The following DENND6A variants were observed in gnomAD, a reference collection of about 807,000 sequenced individuals.
DENND6A encodes DENN domain containing 6A, also known as protein DENND6A.
In DENND6A, 43 loss-of-function variants were observed where a neutral mutation model predicts 95.5. The observed-to-expected ratio is 0.45, with a 90% confidence interval of 0.35 to 0.58. The LOEUF (loss-of-function observed/expected upper bound fraction) is 0.58. Among genes scored for constraint, DENND6A ranks in the 20% least tolerant of loss-of-function variants. The pLI is 0.00. For missense variants in DENND6A, 574 were observed against 736.0 expected, an observed-to-expected ratio of 0.78 and a Z score of 2.55; for synonymous variants, 257 against 260.4, an observed-to-expected ratio of 0.99 and a Z score of 0.13.
rs111449256 is a variant in DENND6A, at chr3:57,654,131, A to G, written c.818+3549T>C. Reference sequence around the variant, plus strand: ...CCCGGCTAATTTTTTTTTTTTTTGTATTTTTAGTAGAGACGGGGTTTCACC... The same window carrying G: ...CCCGGCTAATTTTTTTTTTTTTTGTGTTTTTAGTAGAGACGGGGTTTCACC... On this transcript the variant is annotated intron_variant, in intron 9 of 19. Transcript: ENST00000311128. Among the ~76,000 whole-genome samples, 632 of 140,646 alleles carry G rather than the reference A, an allele frequency of 4.5e-3. 2 individuals are homozygous for G. Among genetic ancestry groups the G allele is most frequent in the African/African-American group, 0.016 (597 of 37,370 alleles). The allele number at this position is 140,646 out of a possible 152,430, so 92.3% of individuals were successfully genotyped here.
At chr3:57,639,944 A>G (rs953064848) in intron 12 of DENND6A, among the ~76,000 whole-genome samples, 2 of 152,164 alleles carry the variant, frequency 1.3e-5, no homozygotes, top group African/African-American at 4.8e-5. Flanking sequence ...TGTTTTAAAT[A>G]TATCTATGTA....
rs749131418 is a variant in DENND6A, at chr3:57,692,918, G to A, written c.101C>T (p.Ala34Val). The A allele has an allele frequency of 5.1e-6, 8 of 1,566,542 alleles. No homozygotes were observed. In the South Asian group the frequency reaches 8.2e-5, roughly 16 times the overall value. The change falls in exon 1 of 20, where the codon GCG (alanine) becomes GTG (valine). Residue 34 changes from alanine to valine, a missense_variant. Transcript: ENST00000311128. ...AEGREAPALVAAGGAPEDDEE... is the reference protein window; with the variant it reads ...AEGREAPALVVAGGAPEDDEE... ...ATCGTCCTCTGGCGCGCCTCCCGCCGCCACAAGGGCCGGCGCCTCGCGGCC... is the reference window on the plus strand; with the variant it reads ...ATCGTCCTCTGGCGCGCCTCCCGCCACCACAAGGGCCGGCGCCTCGCGGCC...
chr3:57,629,444 T>C (rs1300189166), intron 18 of DENND6A, among the ~76,000 whole-genome samples: 3 of 151,928 alleles, frequency 2.0e-5, no homozygotes, highest in African/African-American at 7.2e-5. Flanking sequence ...TTCCTTTTAT[T>C]TTCACAAGTA....
intron 3 of DENND6A, among the ~76,000 whole-genome samples, chr3:57,667,315 T>C (rs761354167): frequency 1.1e-4 from 16 of 152,142 alleles, no homozygotes; most frequent in Middle Eastern, 3.4e-3. Context: ...CCACTGTGCC[T>C]GGCCTTTTTA....
intron 1 of DENND6A, among the ~76,000 whole-genome samples, chr3:57,679,961 A>C (rs2077148362): frequency 2.0e-5 from 3 of 152,190 alleles, no homozygotes; most frequent in Non-Finnish European, 4.4e-5. Context: ...TATGGACAGA[A>C]ATTTGTGAGA....
intron 3 of DENND6A, among the ~76,000 whole-genome samples, chr3:57,669,722 A>G (rs1014220654): frequency 1.3e-5 from 2 of 151,310 alleles, no homozygotes; most frequent in Non-Finnish European, 2.9e-5. Flanking sequence ...CTCAAAAAAA[A>G]AGAAAAGAAA....
At chr3:57,649,813 AC>A (rs1200099313) in intron 9 of DENND6A, among the ~76,000 whole-genome samples, 13 of 63,448 alleles carry the variant, frequency 2.0e-4, no homozygotes, top group Non-Finnish European at 4.1e-4. Context: ...CCCCACCCCC[AC>A]CCCCATGGAT....
At chr3:57,645,872 A>C (rs981361693) in intron 10 of DENND6A, 116 bp from the exon 11 acceptor site, 7 of 690,674 alleles carry the variant, frequency 1.0e-5, no homozygotes, top group Non-Finnish European at 1.7e-5. Context: ...TGTTTATTTT[A>C]ATAAATGGTA....
rs1425504844 is a variant in DENND6A, at chr3:57,637,810, A to C, written c.1133-3041T>G. Reference sequence around the variant, plus strand: ...AGAAAAAGAACAGAAGAAAACAAAAAAAATAAATAAATAAGACTATTAAAT... The same window carrying C: ...AGAAAAAGAACAGAAGAAAACAAAACAAATAAATAAATAAGACTATTAAAT... On this transcript the variant is annotated intron_variant, in intron 12 of 19. Coordinates refer to ENST00000311128, the MANE Select transcript of DENND6A (RefSeq NM_152678.3). Among the ~76,000 whole-genome samples, 5 of 63,208 alleles carry C rather than the reference A, an allele frequency of 7.9e-5. No individual in the cohort carries two copies. The East Asian group carries it at 0.042, about 527-fold the overall frequency. The allele number at this position is 63,208 out of a possible 152,430, so 41.5% of individuals were successfully genotyped here. A position where few individuals can be genotyped will look rare whatever the true frequency, so the allele number is the denominator to read the frequency against.
At chr3:57,663,983 A>C (rs560334752) in intron 4 of DENND6A, among the ~76,000 whole-genome samples, 2 of 152,002 alleles carry the variant, frequency 1.3e-5, no homozygotes, top group African/African-American at 4.8e-5. Flanking sequence ...AAACCCTCCT[A>C]ACTTGCCCAA....
intron 1 of DENND6A, among the ~76,000 whole-genome samples, chr3:57,690,887 TACTC>T (rs773811134): frequency 1.3e-5 from 2 of 152,206 alleles, no homozygotes; most frequent in Non-Finnish European, 2.9e-5. Context: ...GATTTCATCT[TACTC>T]AGCCTTTTCC....
At chr3:57,651,206 C>T (rs1019438205) in intron 9 of DENND6A, among the ~76,000 whole-genome samples, 2 of 152,170 alleles carry the variant, frequency 1.3e-5, no homozygotes, top group African/African-American at 4.8e-5. Context: ...ATTCAGTATG[C>T]TCCTCAACAT....
intron 1 of DENND6A, among the ~76,000 whole-genome samples, chr3:57,685,543 G>A (rs1338877327): frequency 6.6e-6 from 1 of 152,002 alleles, no homozygotes; most frequent in Non-Finnish European, 1.5e-5. Flanking sequence ...CATCATGTCA[G>A]TACTCAGAAA....
intron 1 of DENND6A, among the ~76,000 whole-genome samples, chr3:57,677,252 A>C (rs144277892): frequency 1.3e-5 from 2 of 152,280 alleles, no homozygotes; most frequent in African/African-American, 2.4e-5. Flanking sequence ...CATTTTAATC[A>C]ATTCTCTACA....
At chr3:57,631,068 A>G in intron 15 of DENND6A, 90 bp from the exon 16 acceptor site, 1 of 1,177,352 alleles carries the variant, frequency 8.5e-7, no homozygotes, top group South Asian at 1.4e-5. Context: ...TAAGTTTTTA[A>G]TCATATGCCC....
chr3:57,680,935 C>T (rs996366635), intron 1 of DENND6A, among the ~76,000 whole-genome samples: 12 of 152,074 alleles, frequency 7.9e-5, no homozygotes, highest in Non-Finnish European at 1.6e-4. Context: ...GAAATTAGAA[C>T]CCTTAGAACC....
At chr3:57,644,491 G>A (rs2071023962) in intron 11 of DENND6A, among the ~76,000 whole-genome samples, 1 of 150,530 alleles carries the variant, frequency 6.6e-6, no homozygotes, top group Non-Finnish European at 1.5e-5. Context: ...TTTTTTTTGT[G>A]GAGACAGGGT....
intron 1 of DENND6A, among the ~76,000 whole-genome samples, chr3:57,687,447 G>A (rs1164502909): frequency 6.6e-6 from 1 of 152,246 alleles, no homozygotes; most frequent in Non-Finnish European, 1.5e-5. Flanking sequence ...TAACATAAAA[G>A]TGCAAGGTGA....
Position 57,688,410 on chromosome 3 carries a change from C to T in DENND6A, c.237+4372G>A, listed in dbSNP as rs532850788. On this transcript the variant is annotated intron_variant, in intron 1 of 19. Coordinates refer to ENST00000311128, the MANE Select transcript of DENND6A (RefSeq NM_152678.3). ...CCCAGACTATGCTTTGGAAGTGTCCCTCCTATTGCAGGGGTGAGCCTAAGT... is the reference window on the plus strand; with the variant it reads ...CCCAGACTATGCTTTGGAAGTGTCCTTCCTATTGCAGGGGTGAGCCTAAGT... Among the ~76,000 whole-genome samples, 12 of 152,146 alleles carry T rather than the reference C, an allele frequency of 7.9e-5. No homozygotes were observed. In the South Asian group the frequency reaches 2.5e-3, roughly 32 times the overall value.
Sources: allele counts gnomAD v4.1 joint callset (sites outside exome capture counted in the v4.1 genomes callset), GRCh38; gene constraint gnomAD v4.1.1; transcripts MANE v1.5; gene names NCBI Gene and HGNC (gene_info 2026-07-23, HGNC 2026-07-21).